DPP6: variants seen among roughly 807,000 people sequenced by gnomAD.
DPP6 encodes A-type potassium channel modulatory protein DPP6.
In DPP6, 69 loss-of-function variants were observed where a neutral mutation model predicts 122.6. The observed-to-expected ratio is 0.56, with a 90% CI of 0.46 to 0.69. The LOEUF is 0.69. DPP6 is among the 30% of genes least tolerant of loss of function. DPP6 has a pLI of 0.00. For synonymous variants in DPP6, 418 were observed against 433.1 expected (o/e 0.97, Z 0.43); for missense variants, 928 against 1,116.9 (o/e 0.83, Z 2.41).
chr7:154,157,535 C>T (rs1410182725), intron 1 of DPP6, among the ~76,000 whole-genome samples: 1 of 152,240 alleles, frequency 6.6e-6, no homozygotes, highest in Non-Finnish European at 1.5e-5. Context: ...TGCCTCTCTC[C>T]TCCTGAACTC....
At chr7:154,860,157 C>G (rs955120093) in intron 17 of DPP6, among the ~76,000 whole-genome samples, 1 of 152,212 alleles carries the variant, frequency 6.6e-6, no homozygotes, top group Non-Finnish European at 1.5e-5. Flanking sequence ...TTTCCAGCCT[C>G]TGTTCCTGCA....
At chr7:154,021,499 C>G (rs1171974959) in intron 1 of DPP6, among the ~76,000 whole-genome samples, 1 of 152,144 alleles carries the variant, frequency 6.6e-6, no homozygotes, top group African/African-American at 2.4e-5. Flanking sequence ...CCTGGCACTT[C>G]CAGAATCCTT....
At chr7:154,303,384 C>G (rs1011914551) in intron 1 of DPP6, among the ~76,000 whole-genome samples, 2 of 152,142 alleles carry the variant, frequency 1.3e-5, no homozygotes, top group Non-Finnish European at 2.9e-5. Flanking sequence ...GCCTCCATGA[C>G]AGGTTTGCTT....
At chr7:154,060,629 A>G (rs1237477876) in intron 1 of DPP6, among the ~76,000 whole-genome samples, 1 of 142,332 alleles carries the variant, frequency 7.0e-6, no homozygotes, top group African/African-American at 2.7e-5. Flanking sequence ...GAGGACCCCC[A>G]TCGCAGGAGG....
chr7:154,247,151 A>G (rs753056771), intron 1 of DPP6, among the ~76,000 whole-genome samples: 1 of 152,114 alleles, frequency 6.6e-6, no homozygotes, highest in Non-Finnish European at 1.5e-5. Flanking sequence ...CATCTCTACT[A>G]AAAATACAAA....
At position 154,262,745 on chromosome 7, in the gene DPP6, A is replaced by G. The variant is rs185263386; in HGVS notation, c.244-183469A>G. Among the ~76,000 whole-genome samples, 3 of 151,672 alleles carry G rather than the reference A, an allele frequency of 2.0e-5. No individual in the cohort carries two copies. In the East Asian group the frequency reaches 5.8e-4, roughly 29 times the overall value. On this transcript the variant is annotated intron_variant, in intron 1 of 25. Transcript: ENST00000377770. ...AATCATTTTGTTGGGGATAAAAGTG[A>G]TATTTGTAGGCAATAATGCAGCTTC...
chr7:154,545,895 A>G (rs1240502022), intron 4 of DPP6, among the ~76,000 whole-genome samples: 1 of 152,184 alleles, frequency 6.6e-6, no homozygotes, highest in Non-Finnish European at 1.5e-5. Context: ...TGACAATGCT[A>G]TCAGTGACAA....
At chr7:154,546,627 C>T (rs1829217806) in intron 4 of DPP6, among the ~76,000 whole-genome samples, 1 of 151,870 alleles carries the variant, frequency 6.6e-6, no homozygotes, top group South Asian at 2.1e-4. Flanking sequence ...AATGTATTTT[C>T]TCTAAGCTGT....
At chr7:154,645,844 C>T (rs111713198) in intron 6 of DPP6, among the ~76,000 whole-genome samples, 21,576 of 151,428 alleles carry the variant, frequency 0.14, 1,772 homozygotes, top group African/African-American at 0.23. Context: ...CTGGCTAACA[C>T]GGTGAAACCC....
chr7:154,062,375 G>C (rs1201125733), intron 1 of DPP6, among the ~76,000 whole-genome samples: 1 of 7,644 alleles, frequency 1.3e-4, no homozygotes, highest in Non-Finnish European at 2.4e-4. Context: ...CCCCTCTTCC[G>C]CCCCTGGCTT....
intron 1 of DPP6, among the ~76,000 whole-genome samples, chr7:154,234,589 T>C (rs11971814): frequency 0.13 from 20,422 of 151,884 alleles, 2,288 homozygotes; most frequent in African/African-American, 0.31. Flanking sequence ...AACCATCCAG[T>C]TAAACACACA....
chr7:154,539,743 C>T (rs771723118), intron 3 of DPP6, among the ~76,000 whole-genome samples: 5 of 151,352 alleles, frequency 3.3e-5, no homozygotes, highest in Non-Finnish European at 7.4e-5. Flanking sequence ...ACTAAGATGT[C>T]GTTAAAGATG....
the DPP6 span, among the ~76,000 whole-genome samples, chr7:153,785,445 G>A: frequency 6.6e-6 from 1 of 151,790 alleles, no homozygotes; most frequent in East Asian, 1.9e-4. Context: ...ATTTTATAGG[G>A]GTAATCTCAT....
the DPP6 span, among the ~76,000 whole-genome samples, chr7:153,775,721 A>G: frequency 2.6e-5 from 4 of 152,142 alleles, no homozygotes; most frequent in Admixed American, 2.0e-4. Context: ...CTAATTAGTG[A>G]GTTTAGCAAG....
chr7:154,163,728 A>C (rs1210040119), intron 1 of DPP6, among the ~76,000 whole-genome samples: 1 of 152,156 alleles, frequency 6.6e-6, no homozygotes, highest in Non-Finnish European at 1.5e-5. Flanking sequence ...CTGTAAGAGC[A>C]GGTTTGGAAA....
At chr7:154,764,570 G>C (rs1795785795) in intron 8 of DPP6, among the ~76,000 whole-genome samples, 1 of 152,202 alleles carries the variant, frequency 6.6e-6, no homozygotes, top group Non-Finnish European at 1.5e-5. Flanking sequence ...ACTAAAAAGA[G>C]AAGGGAGTGT....
chr7:153,773,240 T>A, the DPP6 span, among the ~76,000 whole-genome samples: 5 of 147,420 alleles, frequency 3.4e-5, no homozygotes, highest in Admixed American at 6.8e-5. Flanking sequence ...TCAGTTGTGG[T>A]TACAGACTGA....
At chr7:154,506,351 AT>A (rs1172682752) in intron 3 of DPP6, among the ~76,000 whole-genome samples, 1 of 152,076 alleles carries the variant, frequency 6.6e-6, no homozygotes, top group Non-Finnish European at 1.5e-5. Context: ...AAGTTTCACA[AT>A]TTTTTGTGCT....
intron 1 of DPP6, among the ~76,000 whole-genome samples, chr7:154,044,004 C>A (rs998236039): frequency 6.7e-6 from 1 of 149,140 alleles, no homozygotes; most frequent in African/African-American, 2.5e-5. Flanking sequence ...CCATCAGGGA[C>A]TCAGAGCACA....
Sources: allele counts gnomAD v4.1 joint callset (sites outside exome capture counted in the v4.1 genomes callset), GRCh38; gene constraint gnomAD v4.1.1; transcripts MANE v1.5; gene names NCBI Gene and HGNC (gene_info 2026-07-23, HGNC 2026-07-21).